The following ROBO3 variants were observed in gnomAD, a reference collection of about 807,000 sequenced individuals.
ROBO3 encodes roundabout homolog 3.
Under a neutral mutation model 160.5 loss-of-function variants are expected in ROBO3, and 97 were observed. The observed-to-expected ratio is 0.60, with a 90% CI of 0.51 to 0.72. The LOEUF (loss-of-function observed/expected upper bound fraction) is 0.72. Ranked by LOEUF, ROBO3 falls within the 30% of genes least tolerant of loss-of-function variation. The pLI is 0.00. For synonymous variants in ROBO3, 780 were observed against 746.2 expected, an observed-to-expected ratio of 1.05 and a Z score of -0.74; for missense variants, 1,858 against 1,846.5, an observed-to-expected ratio of 1.01 and a Z score of -0.11.
In ROBO3 at chr11:124,873,810, C is replaced by A. The variant is rs753205811; in HGVS notation, c.1732C>A (p.Pro578Thr). The stretch of plus-strand genomic sequence containing the variant: ...GAACAGCATTACCCTGACCTGGAAG[C>A]CCAACCCACAAACTGGGGCTGCAGT... ...TKNSITLTWK[P>T]NPQTGAAVTS... Residue 578 changes from proline to threonine, a missense_variant, in exon 11 of 28, where the codon CCC becomes ACC. Physicochemically the swap from Pro to Thr is conservative, Grantham distance 38. Coordinates refer to ENST00000397801, the MANE Select transcript of ROBO3 (RefSeq NM_022370.4). This position sits in a 1 kb window ranked among gnomAD's most constrained non-coding sequence, Gnocchi z 4.5. The A allele has an allele frequency of 1.9e-6, 3 of 1,613,796 alleles. No individual in the cohort carries two copies. Among genetic ancestry groups the A allele is most frequent in the Non-Finnish European group, 2.5e-6 (3 of 1,179,782 alleles).
chr11:124,876,175 GC>G lies in ROBO3; in HGVS notation c.2593+56del, dbSNP rs756375581. 2.7e-5 allele frequency: 42 copies of G among 1,551,766 alleles called. No individual in the cohort carries two copies. The highest frequency in any genetic ancestry group is 3.5e-5 in the Non-Finnish European group (40 of 1,155,026). ...GAGGATCTTGACGGGGGCGGGGCAA[GC>G]CCCCCACTGGGGTAGCTGTGCCTGC... On this transcript the variant is annotated intron_variant, in intron 16 of 27. Transcript: ENST00000397801. The surrounding 1 kb of genome is among the most constrained non-coding windows in gnomAD (Gnocchi z 5.3).
Position 124,869,652 on chromosome 11 carries a change from A to G in ROBO3, c.645+45A>G. The G allele has an allele frequency of 6.6e-7, 1 of 1,516,310 alleles. No individual in the cohort carries two copies. Among genetic ancestry groups the G allele is most frequent in the Non-Finnish European group, 8.9e-7 (1 of 1,126,970 alleles). 93.9% of individuals were successfully genotyped at this position (1,516,310 alleles called of 1,614,324 possible). ...TGGAGACCCCAACAAGGGAGGGGACATAGGGTAGGGAGGTGACAAGGCTGG... is the reference window on the plus strand; with the variant it reads ...TGGAGACCCCAACAAGGGAGGGGACGTAGGGTAGGGAGGTGACAAGGCTGG... On this transcript the variant is annotated intron_variant, in intron 3 of 27. Transcript: ENST00000397801. This position sits in a 1 kb window ranked among gnomAD's most constrained non-coding sequence, Gnocchi z 4.2.
Position 124,881,282 on chromosome 11 carries a change from G to T in ROBO3, c.*32G>T. The T allele has an allele frequency of 6.3e-7, 1 of 1,592,604 alleles. No individual in the cohort carries two copies. The highest frequency in any genetic ancestry group is 2.3e-5 in the East Asian group (1 of 44,310). On this transcript the variant is annotated 3_prime_UTR_variant, in exon 28 of 28. Transcript: ENST00000397801. ...TTGGGGCATTGAGAATATCATGAGT[G>T]CCACGGGGAAGGGGAGTAGGGATGT...
chr11:124,873,042 C>T lies in ROBO3; in HGVS notation c.1489C>T (p.Gln497Ter). The T allele has an allele frequency of 6.2e-7, 1 of 1,613,934 alleles. No individual in the cohort carries two copies. The highest frequency in any genetic ancestry group is 2.2e-5 in the East Asian group (1 of 44,888). Residue 497 changes from glutamine (Q) to a stop codon, truncating the protein, a stop_gained, in exon 9 of 28, where the codon CAG becomes TAG. Transcript: ENST00000397801. LOFTEE classifies it high-confidence loss of function. The surrounding 1 kb of genome is among the most constrained non-coding windows in gnomAD (Gnocchi z 4.5). The part of the protein sequence containing the change: ...DGQWLQGDDL[Q>*]FKTMANGTLY... ...GCAGTGGCTGCAGGGGGATGACCTCCAGTTCAAGACAATGGCCAACGGTAC... is the reference window on the plus strand; with the variant it reads ...GCAGTGGCTGCAGGGGGATGACCTCTAGTTCAAGACAATGGCCAACGGTAC...
Position 124,870,191 on chromosome 11 carries a change from G to A in ROBO3, c.793G>A (p.Val265Met), listed in dbSNP as rs372701139. The change falls in exon 5 of 28, where the codon GTG (valine) becomes ATG (methionine). Residue 265 changes from valine (V) to methionine (M), a missense_variant. Physicochemically the swap from Val to Met is conservative, Grantham distance 21. Coordinates refer to ENST00000397801, the MANE Select transcript of ROBO3 (RefSeq NM_022370.4). ...GCGTCCCTCATTCCTGCGCAGACCA[G>A]TGAATCAGGTGGTCCTGGCTGATGC... ...LERPSFLRRPVNQVVLADAPV... is the reference protein window; with the variant it reads ...LERPSFLRRPMNQVVLADAPV... 1.0e-4 allele frequency: 161 copies of A among 1,613,938 alleles called. No individual in the cohort carries two copies. Among genetic ancestry groups the A allele is most frequent in the Non-Finnish European group, 1.2e-4 (147 of 1,179,900 alleles).
Position 124,872,311 on chromosome 11 carries a change from C to T in ROBO3, c.1159-70C>T. On this transcript the variant is annotated intron_variant, in intron 7 of 27. Coordinates refer to ENST00000397801, the MANE Select transcript of ROBO3 (RefSeq NM_022370.4). This position sits in a 1 kb window ranked among gnomAD's most constrained non-coding sequence, Gnocchi z 4.3. ...GGAATTCTCTGAATTTTGAGATTGA[C>T]AGGAATGGGGACCTCTCCCTGCCCA... The T allele has an allele frequency of 7.3e-7, 1 of 1,361,432 alleles. No homozygotes were observed. Among genetic ancestry groups the T allele is most frequent in the Admixed American group, 1.7e-5 (1 of 59,640 alleles). The allele number at this position is 1,361,432 out of a possible 1,614,324, so 84.3% of individuals were successfully genotyped here.
In ROBO3 at chr11:124,878,347, C is replaced by T; in HGVS notation, c.3231C>T (p.Pro1077=). ...TTCTGGGGAAACCTGTGCAGATGCC[C>T]TCTCTGAACTGGCCAGAAGCCCTGC... The part of the protein sequence containing the change: ...VKLLGKPVQM[P]SLNWPEALPP... Residue 1077 remains proline, a synonymous_variant, in exon 22 of 28, where the codon CCC becomes CCT. Transcript: ENST00000397801. The surrounding 1 kb of genome is among the most constrained non-coding windows in gnomAD (Gnocchi z 4.3). The T allele has an allele frequency of 6.2e-7, 1 of 1,613,840 alleles. No individual in the cohort carries two copies. Among genetic ancestry groups the T allele is most frequent in the African/African-American group, 1.3e-5 (1 of 75,046 alleles).
Position 124,876,861 on chromosome 11 carries a change from T to A in ROBO3, c.2780-300T>A. The A allele has an allele frequency of 1.8e-6, 1 of 570,844 alleles. No individual in the cohort carries two copies. Among genetic ancestry groups the A allele is most frequent in the Non-Finnish European group, 3.1e-6 (1 of 321,028 alleles). The allele number at this position is 570,844 out of a possible 1,614,324, so 35.4% of individuals were successfully genotyped here. ...GTCTGGATGGAAAGGCGGGGCCCGC[T>A]GAAAGAAGGCGATCCGAGTTCTGCT... On this transcript the variant is annotated intron_variant, in intron 17 of 27. Coordinates refer to ENST00000397801, the MANE Select transcript of ROBO3 (RefSeq NM_022370.4). The surrounding 1 kb of genome is among the most constrained non-coding windows in gnomAD (Gnocchi z 5.3).
rs1347678858 is a variant in ROBO3 at position 124,878,412 on chromosome 11, G to T, written c.3296G>T (p.Gly1099Val). The T allele has an allele frequency of 1.2e-6, 2 of 1,613,550 alleles. No homozygotes were observed. Among genetic ancestry groups the T allele is most frequent in the South Asian group, 2.2e-5 (2 of 91,066 alleles). ...TCTTGTGAACTGAGCTGCCTAGAAG[G>T]GCCGGAGGAGGAGCTGGAGGGCAGG... ...PPSCELSCLE[G>V]PEEELEGSSE... The change falls in exon 22 of 28, where the codon GGG (glycine) becomes GTG (valine). Residue 1099 changes from glycine to valine, a missense_variant. Gly to Val is a moderately radical substitution (Grantham distance 109). Coordinates refer to ENST00000397801, the MANE Select transcript of ROBO3 (RefSeq NM_022370.4). This position sits in a 1 kb window ranked among gnomAD's most constrained non-coding sequence, Gnocchi z 4.3.
chr11:124,876,632 C>T lies in ROBO3; in HGVS notation c.2779+172C>T. 1 of 541,252 alleles carries T rather than the reference C, an allele frequency of 1.8e-6. No homozygotes were observed. The highest frequency in any genetic ancestry group is 3.0e-6 in the Non-Finnish European group (1 of 333,886). The allele number at this position is 541,252 out of a possible 1,614,324, so 33.5% of individuals were successfully genotyped here. ...TACGTGGGGCGACTCGAGGAGCTGC[C>T]AGGACTAGGGAGGGCTGCGGGCCAA... On this transcript the variant is annotated intron_variant, in intron 17 of 27. Coordinates refer to ENST00000397801, the MANE Select transcript of ROBO3 (RefSeq NM_022370.4). This position sits in a 1 kb window ranked among gnomAD's most constrained non-coding sequence, Gnocchi z 5.3.
chr11:124,878,848 C>CCCAG lies in ROBO3; in HGVS notation c.3533+52_3533+53insCCAG. 7.0e-7 allele frequency: 1 copy of CCCAG among 1,431,836 alleles called. No homozygotes were observed. Among genetic ancestry groups the CCCAG allele is most frequent in the Non-Finnish European group, 9.7e-7 (1 of 1,031,274 alleles). 88.7% of individuals were successfully genotyped at this position (1,431,836 alleles called of 1,614,324 possible). Reference sequence around the variant, plus strand: ...ATTGCAAGCCCTCTATACGTATCTACTCAGTAGATGACTGGGTGGGTGGAT... The same window carrying CCCAG: ...ATTGCAAGCCCTCTATACGTATCTACCCAGTCAGTAGATGACTGGGTGGGTGGAT... On this transcript the variant is annotated intron_variant, in intron 23 of 27. Coordinates refer to ENST00000397801, the MANE Select transcript of ROBO3 (RefSeq NM_022370.4). The surrounding 1 kb of genome is among the most constrained non-coding windows in gnomAD (Gnocchi z 4.3).
Position 124,873,046 on chromosome 11 carries a change from T to G in ROBO3, c.1493T>G (p.Phe498Cys). The change falls in exon 9 of 28, where the codon TTC becomes TGC. Residue 498 changes from phenylalanine to cysteine, a missense_variant. Physicochemically the swap from Phe to Cys is radical, Grantham distance 205 (BLOSUM62 -2). Coordinates refer to ENST00000397801, the MANE Select transcript of ROBO3 (RefSeq NM_022370.4). The surrounding 1 kb of genome is among the most constrained non-coding windows in gnomAD (Gnocchi z 4.5). ...GQWLQGDDLQ[F>C]KTMANGTLYI... ...TGGCTGCAGGGGGATGACCTCCAGT[T>G]CAAGACAATGGCCAACGGTACCCTG... 3.1e-6 allele frequency: 5 copies of G among 1,613,854 alleles called. No homozygotes were observed. The highest frequency in any genetic ancestry group is 4.2e-6 in the Non-Finnish European group (5 of 1,179,832).
chr11:124,877,349 G>T (rs559066464), intron 19 of ROBO3, 40 bp downstream of exon 19: 1 of 1,611,578 alleles, frequency 6.2e-7, no homozygotes, highest in South Asian at 1.1e-5. Context: ...GACCTCCACC[G>T]ACAGGCCACT....
intron 27 of ROBO3, 140 bp downstream of exon 27, chr11:124,880,748 G>C: frequency 2.9e-4 from 317 of 1,107,744 alleles, no homozygotes; most frequent in Non-Finnish European, 3.7e-4. Flanking sequence ...GGGGGAGGGA[G>C]GAATCCTGTA....
In ROBO3 at chr11:124,869,428, C is replaced by G; in HGVS notation, c.488-22C>G. 1 of 1,383,816 alleles carries G rather than the reference C, an allele frequency of 7.2e-7. No individual in the cohort carries two copies. The highest frequency in any genetic ancestry group is 9.9e-7 in the Non-Finnish European group (1 of 1,012,434). The allele number at this position is 1,383,816 out of a possible 1,614,324, so 85.7% of individuals were successfully genotyped here. ...ATGTCACTCTACACCCTGCTTATTT[C>G]GCCCCCCACCGCCCCGCCCAGTCCT... On this transcript the variant is annotated intron_variant, in intron 2 of 27. Transcript: ENST00000397801. The surrounding 1 kb of genome is among the most constrained non-coding windows in gnomAD (Gnocchi z 4.2).
chr11:124,873,140 C>A lies in ROBO3; in HGVS notation c.1536+51C>A. Reference sequence around the variant, plus strand: ...TAGCTGAGAATGGCTATCTGCTCCACGTTCCTTACACAAGTAAGTACTCAC... The same window carrying A: ...TAGCTGAGAATGGCTATCTGCTCCAAGTTCCTTACACAAGTAAGTACTCAC... On this transcript the variant is annotated intron_variant, in intron 9 of 27. Transcript: ENST00000397801. This position sits in a 1 kb window ranked among gnomAD's most constrained non-coding sequence, Gnocchi z 4.5. 1.3e-6 allele frequency: 2 copies of A among 1,559,354 alleles called. No individual in the cohort carries two copies. The highest frequency in any genetic ancestry group is 1.8e-6 in the Non-Finnish European group (2 of 1,137,924).
chr11:124,869,446 C>CCCCCCCA lies in ROBO3; in HGVS notation c.488-3_488-2insCCCCCAC. The CCCCCCCA allele has an allele frequency of 6.6e-7, 1 of 1,521,642 alleles. No individual in the cohort carries two copies. Among genetic ancestry groups the CCCCCCCA allele is most frequent in the Non-Finnish European group, 8.9e-7 (1 of 1,119,418 alleles). The allele number at this position is 1,521,642 out of a possible 1,614,324, so 94.3% of individuals were successfully genotyped here. A position where few individuals can be genotyped will look rare whatever the true frequency, so the allele number is the denominator to read the frequency against. On this transcript the variant is annotated splice_polypyrimidine_tract_variant and splice_region_variant and intron_variant, in intron 2 of 27. Coordinates refer to ENST00000397801, the MANE Select transcript of ROBO3 (RefSeq NM_022370.4). The surrounding 1 kb of genome is among the most constrained non-coding windows in gnomAD (Gnocchi z 4.2). ...CTTATTTCGCCCCCCACCGCCCCGCCCAGTCCTCCGTGATGATTTCCGGCA... is the reference window on the plus strand; with the variant it reads ...CTTATTTCGCCCCCCACCGCCCCGCCCCCCCCACAGTCCTCCGTGATGATTTCCGGCA...
chr11:124,881,096 G>T, intron 27 of ROBO3, 143 bp from the exon 28 acceptor site: 3 of 741,050 alleles, frequency 4.0e-6, no homozygotes, highest in Admixed American at 5.0e-5. Context: ...ATGACAAGGG[G>T]TGAGGACAAG....
intron 24 of ROBO3, 55 bp from the exon 25 acceptor site, chr11:124,879,410 C>A (rs556585161): frequency 1.9e-6 from 3 of 1,608,516 alleles, no homozygotes; most frequent in Non-Finnish European, 1.7e-6. Context: ...ACCCTTAGGC[C>A]TTTTTCCTGA....
Sources: gnomAD v4.1 joint callset for allele counts on GRCh38, gnomAD v4.1.1 for gene constraint, Gnocchi (gnomAD v3.1) non-coding constraint, MANE v1.5 for transcripts, NCBI Gene and HGNC (gene_info 2026-07-23, HGNC 2026-07-21) for gene names.